Variants in ADAMTS2 observed in about 807,000 individuals in gnomAD.
ADAMTS2 encodes the protein A disintegrin and metalloproteinase with thrombospondin motifs 2.
Under a neutral mutation model 123.0 loss-of-function variants are expected in ADAMTS2, and 50 were observed. That is an observed-to-expected ratio of 0.41 (90% CI 0.32 to 0.51). The LOEUF (loss-of-function observed/expected upper bound fraction) is 0.51. ADAMTS2 is among the 20% of genes least tolerant of loss of function. The probability of loss-of-function intolerance (pLI) is 0.35; values close to 1 mark genes in which losing one functional copy is unlikely to be tolerated. For synonymous variants in ADAMTS2, 678 were observed against 695.4 expected (o/e 0.98, Z 0.39); for missense variants, 1,494 against 1,705.2 (o/e 0.88, Z 2.18).
chr5:179,207,489 T>TC, intron 4 of ADAMTS2, 24 bp downstream of exon 4: 2 of 470,880 alleles, frequency 4.2e-6, no homozygotes, highest in Admixed American at 7.1e-5. Flanking sequence ...CGCCCCACCC[T>TC]GCCCCCTCAG....
intron 2 of ADAMTS2, among the ~76,000 whole-genome samples, chr5:179,316,460 A>C (rs765662397): frequency 6.6e-6 from 1 of 152,138 alleles, no homozygotes; most frequent in Non-Finnish European, 1.5e-5. Context: ...TGGGCATCCC[A>C]GGCTCCTGCC....
In ADAMTS2 at chr5:179,242,438, G is replaced by A. The variant is rs1270578022; in HGVS notation, c.688+30473C>T. Among the ~76,000 whole-genome samples the A allele has an allele frequency of 6.6e-6, 1 of 152,150 alleles. No homozygotes were observed. The highest frequency in any genetic ancestry group is 1.5e-5 in the Non-Finnish European group (1 of 68,042). On this transcript the variant is annotated intron_variant, in intron 3 of 21. Transcript: ENST00000251582. This position sits in a 1 kb window ranked among gnomAD's most constrained non-coding sequence, Gnocchi z 4.2. ...ATCTGCCATGAGAATTCCACTTCTGGAATGGTGGTGAGAGGAGCCCCATGG... is the reference window on the plus strand; with the variant it reads ...ATCTGCCATGAGAATTCCACTTCTGAAATGGTGGTGAGAGGAGCCCCATGG...
At chr5:179,192,488 CTGGCAGA>C (rs1764329826) in intron 4 of ADAMTS2, among the ~76,000 whole-genome samples, 1 of 152,238 alleles carries the variant, frequency 6.6e-6, no homozygotes, top group Non-Finnish European at 1.5e-5. Flanking sequence ...TTGCCAGACT[CTGGCAGA>C]TGGAAAGATA....
chr5:179,132,390 G>A lies in ADAMTS2; in HGVS notation c.2210-80C>T, dbSNP rs1762980534. 3.0e-6 allele frequency: 4 copies of A among 1,354,740 alleles called. No homozygotes were observed. The highest frequency in any genetic ancestry group is 3.1e-6 in the Non-Finnish European group (3 of 957,994). 83.9% of individuals were successfully genotyped at this position (1,354,740 alleles called of 1,614,324 possible). A position where few individuals can be genotyped will look rare whatever the true frequency, so the allele number is the denominator to read the frequency against. On this transcript the variant is annotated intron_variant, in intron 14 of 21. Coordinates refer to ENST00000251582, the MANE Select transcript of ADAMTS2 (RefSeq NM_014244.5). This position sits in a 1 kb window ranked among gnomAD's most constrained non-coding sequence, Gnocchi z 6.1. ...TTCGCACCATGCAAGGAGGGGCCTC[G>A]CTCTTGAAGGCAGCTCCTCCGGAGG...
At chr5:179,238,291 C>T (rs1278111993) in intron 3 of ADAMTS2, among the ~76,000 whole-genome samples, 1 of 152,196 alleles carries the variant, frequency 6.6e-6, no homozygotes, top group Non-Finnish European at 1.5e-5. Flanking sequence ...TCCACGGATT[C>T]ACCCCCAGCT....
chr5:179,288,783 G>A (rs973043243), intron 2 of ADAMTS2, among the ~76,000 whole-genome samples: 2 of 152,204 alleles, frequency 1.3e-5, no homozygotes, highest in African/African-American at 4.8e-5. Flanking sequence ...CTGAACTCAT[G>A]GGATCAAGTG....
chr5:179,230,236 A>G (rs996900059), intron 3 of ADAMTS2, among the ~76,000 whole-genome samples: 1 of 151,990 alleles, frequency 6.6e-6, no homozygotes, highest in African/African-American at 2.4e-5. Context: ...CTCGGGGGCA[A>G]GGGGGGAGGG....
At position 179,153,494 on chromosome 5, in the gene ADAMTS2, C is replaced by T. The variant is rs141369064; in HGVS notation, c.1512G>A (p.Thr504=). 2.7e-4 allele frequency: 430 copies of T among 1,608,804 alleles called. No homozygotes were observed. In the African/African-American group the frequency reaches 3.7e-3, roughly 14 times the overall value. ...FDFGLGYMMC[T]AFRTFDPCKQ... ...GGCTGCAGGGCTGCACACTCACCGC[C>T]GTGCACATCATGTAGCCCAGGCCGA... The change falls in exon 9 of 22, where the codon ACG becomes ACA. Residue 504 remains threonine, a synonymous_variant. Transcript: ENST00000251582.
chr5:179,123,923 C>T (rs1243945987), intron 19 of ADAMTS2, among the ~76,000 whole-genome samples: 1 of 152,206 alleles, frequency 6.6e-6, no homozygotes, highest in Non-Finnish European at 1.5e-5. Flanking sequence ...ACCTATGTAG[C>T]TGACCCCATT....
At chr5:179,313,202 A>C (rs1756878994) in intron 2 of ADAMTS2, among the ~76,000 whole-genome samples, 1 of 151,824 alleles carries the variant, frequency 6.6e-6, no homozygotes, top group African/African-American at 2.4e-5. Context: ...ACACGCATTC[A>C]CACTCATGCA....
At chr5:179,245,316 G>A (rs1387371995) in intron 3 of ADAMTS2, among the ~76,000 whole-genome samples, 1 of 152,136 alleles carries the variant, frequency 6.6e-6, no homozygotes, top group East Asian at 1.9e-4. Context: ...ACAAAACCCT[G>A]CCAAAACCCT....
intron 21 of ADAMTS2, among the ~76,000 whole-genome samples, chr5:179,114,765 A>T (rs955765249): frequency 2.0e-5 from 3 of 152,210 alleles, no homozygotes; most frequent in Non-Finnish European, 4.4e-5. Flanking sequence ...CTAAGTAGTA[A>T]CTATAACAAA....
At position 179,137,667 on chromosome 5, in the gene ADAMTS2, C is replaced by A. The variant is rs544427862; in HGVS notation, c.1951+102G>T. ...GGGCTCTCCTGCCAGCCCAGGGTCG[C>A]GGCAGCCTTGCCCCATGCAGGATCA... On this transcript the variant is annotated intron_variant, in intron 12 of 21. Transcript: ENST00000251582. 2.2e-5 allele frequency: 33 copies of A among 1,468,456 alleles called. 1 individual carries two copies. In the East Asian group the frequency reaches 8.2e-4, roughly 37 times the overall value. 91.0% of individuals were successfully genotyped at this position (1,468,456 alleles called of 1,614,324 possible). A position where few individuals can be genotyped will look rare whatever the true frequency, so the allele number is the denominator to read the frequency against.
chr5:179,151,627 G>A (rs1480853519), intron 10 of ADAMTS2, among the ~76,000 whole-genome samples: 1 of 152,180 alleles, frequency 6.6e-6, no homozygotes, highest in Non-Finnish European at 1.5e-5. Flanking sequence ...AATCAGGTCT[G>A]GAGTTCTGGG....
intron 2 of ADAMTS2, among the ~76,000 whole-genome samples, chr5:179,299,049 G>A (rs1340328576): frequency 6.6e-6 from 1 of 151,986 alleles, no homozygotes; most frequent in Non-Finnish European, 1.5e-5. Context: ...ATAGACCAGA[G>A]TGAAAATAAA....
chr5:179,305,593 C>A (rs1342039198), intron 2 of ADAMTS2, among the ~76,000 whole-genome samples: 1 of 151,688 alleles, frequency 6.6e-6, no homozygotes, highest in Non-Finnish European at 1.5e-5. Flanking sequence ...ATAGAAAAAG[C>A]AAAATAAGCC....
chr5:179,282,425 C>A (rs943254479), intron 2 of ADAMTS2, among the ~76,000 whole-genome samples: 7 of 152,184 alleles, frequency 4.6e-5, no homozygotes, highest in Non-Finnish European at 8.8e-5. Context: ...TTGTCTTGGA[C>A]CTTTGTCAAG....
chr5:179,325,331 C>A (rs1384638441), intron 2 of ADAMTS2, among the ~76,000 whole-genome samples: 1 of 152,136 alleles, frequency 6.6e-6, no homozygotes, highest in African/African-American at 2.4e-5. Flanking sequence ...GGAAGGGAGA[C>A]CGCGTGCTTA....
At chr5:179,329,902 G>A (rs1420561283) in intron 2 of ADAMTS2, among the ~76,000 whole-genome samples, 4 of 151,954 alleles carry the variant, frequency 2.6e-5, no homozygotes, top group Non-Finnish European at 2.9e-5. Flanking sequence ...CGAGGCGGGT[G>A]GATCATGAGG....
Sources: allele counts gnomAD v4.1 joint callset (sites outside exome capture counted in the v4.1 genomes callset), GRCh38; gene constraint gnomAD v4.1.1; non-coding constraint Gnocchi (gnomAD v3.1); transcripts MANE v1.5; gene names NCBI Gene and HGNC (gene_info 2026-07-23, HGNC 2026-07-21).